Variants in KICS2 observed in about 807,000 individuals in gnomAD.
KICS2 encodes KICSTOR subunit 2, also known as KICSTOR complex protein C12orf66.
KICS2 carries 13 observed loss-of-function variants against 31.4 expected under a neutral mutation model. That is an observed-to-expected ratio of 0.41 (90% CI 0.27 to 0.66). KICS2 has a LOEUF of 0.66. Among genes scored for constraint, KICS2 ranks in the 30% least tolerant of loss-of-function variants. The pLI is 0.28. For missense variants in KICS2, 455 were observed against 545.4 expected (o/e 0.83, Z 1.65); for synonymous variants, 209 against 214.8 (o/e 0.97, Z 0.24).
chr12:64,207,831 A>T (rs935179909), intron 2 of KICS2, among the ~76,000 whole-genome samples: 9 of 152,224 alleles, frequency 5.9e-5, no homozygotes, highest in Non-Finnish European at 1.2e-4. Flanking sequence ...TTGTGGCAAT[A>T]GCAAACTGAT....
intron 2 of KICS2, among the ~76,000 whole-genome samples, chr12:64,213,684 T>C (rs1473450356): frequency 6.6e-5 from 10 of 152,224 alleles, no homozygotes; most frequent in Non-Finnish European, 1.5e-4. Flanking sequence ...GTTTTATTTC[T>C]GGCCTTTCGT....
rs1369375408 is a variant in KICS2, at chr12:64,192,078, G to C, written c.*1764C>G. The C allele has an allele frequency of 7.0e-6, 1 of 142,344 alleles. No individual in the cohort carries two copies. Among genetic ancestry groups the C allele is most frequent in the East Asian group, 2.0e-4 (1 of 4,920 alleles). 8.8% of individuals were successfully genotyped at this position (142,344 alleles called of 1,614,324 possible). A position where few individuals can be genotyped will look rare whatever the true frequency, so the allele number is the denominator to read the frequency against. ...AAAAAAAAAAAAAGGAAAAACACAT[G>C]TTCTTCCCAGAAAATAAAAAATAGG... On this transcript the variant is annotated 3_prime_UTR_variant, in exon 3 of 3. Transcript: ENST00000398055.
chr12:64,202,054 C>T (rs543482115), intron 2 of KICS2, among the ~76,000 whole-genome samples: 1 of 152,304 alleles, frequency 6.6e-6, no homozygotes, highest in South Asian at 2.1e-4. Context: ...AATTATACTA[C>T]AAGGAGTACA....
At position 64,215,718 on chromosome 12, in the gene KICS2, C is replaced by G. The variant is rs767074724; in HGVS notation, c.481G>C (p.Val161Leu). The change falls in exon 2 of 3, where the codon GTT becomes CTT. Residue 161 changes from valine (V) to leucine (L), a missense_variant. Val to Leu is a conservative substitution (Grantham distance 32, BLOSUM62 1). Transcript: ENST00000398055. The stretch of plus-strand genomic sequence containing the variant: ...TTCATGATGGCATCCAAAAGGCCAA[C>G]GAGCTCTTCAGCATTGATGAACTTC... Reference protein sequence around the residue: ...TQKFINAEELVGLLDAIMKKY... With the variant: ...TQKFINAEELLGLLDAIMKKY... 2 of 1,613,860 alleles carry G rather than the reference C, an allele frequency of 1.2e-6. No homozygotes were observed. The highest frequency in any genetic ancestry group is 1.1e-5 in the South Asian group (1 of 91,064).
chr12:64,194,557 T>G lies in KICS2; in HGVS notation c.623A>C (p.Lys208Thr). The G allele has an allele frequency of 6.2e-7, 1 of 1,614,128 alleles. No homozygotes were observed. Among genetic ancestry groups the G allele is most frequent in the Non-Finnish European group, 8.5e-7 (1 of 1,180,028 alleles). Residue 208 changes from lysine to threonine, a missense_variant, in exon 3 of 3, where the codon AAG (lysine) becomes ACG (threonine). Lys to Thr is a moderately conservative substitution (Grantham distance 78). Coordinates refer to ENST00000398055, the MANE Select transcript of KICS2 (RefSeq NM_152440.5). ...LKAQAQVSEW[K>T]FLPSLVNLHS... ...TAAATTAACCAGAGATGGGAGGAAC[T>G]TCCACTCTGAGACCTGGGCCTGGGC...
Position 64,194,089 on chromosome 12 carries a change from A to ACATTGGGC in KICS2, c.1083_1090dup (p.Val364GlyfsTer6), listed in dbSNP as rs758314142. ...TGTGCGGTCCGTCATGATCATGATGACATTGGGCCAGTGCATGACTGGCCT... is the reference window on the plus strand; with the variant it reads ...TGTGCGGTCCGTCATGATCATGATGACATTGGGCCATTGGGCCAGTGCATGACTGGCCT... On this transcript the variant is annotated frameshift_variant, in exon 3 of 3. Transcript: ENST00000398055. LOFTEE classifies it high-confidence loss of function. The ACATTGGGC allele has an allele frequency of 2.5e-6, 4 of 1,614,142 alleles. No homozygotes were observed. The South Asian group carries it at 4.4e-5, about 18-fold the overall frequency.
chr12:64,189,574 G>A (rs2037363703), downstream of KICS2, among the ~76,000 whole-genome samples: 1 of 152,124 alleles, frequency 6.6e-6, no homozygotes, highest in Non-Finnish European at 1.5e-5. Flanking sequence ...GGCAGAGATT[G>A]TTGTTCTTTT....
At chr12:64,220,344 G>C (rs540769670) in intron 1 of KICS2, among the ~76,000 whole-genome samples, 3 of 152,154 alleles carry the variant, frequency 2.0e-5, no homozygotes, top group Admixed American at 2.0e-4. Flanking sequence ...ACACAGGGCA[G>C]CCAGTTCTGT....
chr12:64,215,589 A>C, intron 2 of KICS2, 89 bp downstream of exon 2: 1 of 1,146,922 alleles, frequency 8.7e-7, no homozygotes, highest in Non-Finnish European at 1.2e-6. Flanking sequence ...TTCATCACAG[A>C]TTTTCATAAG....
In KICS2 at chr12:64,193,131, G is replaced by C; in HGVS notation, c.*711C>G. On this transcript the variant is annotated 3_prime_UTR_variant, in exon 3 of 3. Coordinates refer to ENST00000398055, the MANE Select transcript of KICS2 (RefSeq NM_152440.5). The stretch of plus-strand genomic sequence containing the variant: ...GATGGCTTATGCTGACTTTACAACA[G>C]AGTGAAACATTCAAACATTAAAGAA... 1 of 985,416 alleles carries C rather than the reference G, an allele frequency of 1.0e-6. No individual in the cohort carries two copies. Among genetic ancestry groups the C allele is most frequent in the Non-Finnish European group, 1.2e-6 (1 of 829,934 alleles). The allele number at this position is 985,416 out of a possible 1,614,324, so 61.0% of individuals were successfully genotyped here.
chr12:64,205,870 C>T (rs948737091), intron 2 of KICS2, among the ~76,000 whole-genome samples: 4 of 150,928 alleles, frequency 2.7e-5, no homozygotes, highest in Non-Finnish European at 5.9e-5. Flanking sequence ...CAACACAAAA[C>T]TCCACTTTAG....
Position 64,222,003 on chromosome 12 carries a change from C to T in KICS2, c.235G>A (p.Gly79Arg), listed in dbSNP as rs1393307201. The T allele has an allele frequency of 6.2e-7, 1 of 1,613,016 alleles. No homozygotes were observed. Among genetic ancestry groups the T allele is most frequent in the South Asian group, 1.1e-5 (1 of 90,920 alleles). Residue 79 changes from glycine (G) to arginine (R), a missense_variant and splice_region_variant, in exon 1 of 3, where the codon GGG becomes AGG. Physicochemically the swap from Gly to Arg is moderately radical, Grantham distance 125. Transcript: ENST00000398055. ...GGCTCGGGGGGCGGGGCGGAGGTAC[C>T]TAGTTTCTGCCCCAGGTAGGTGAGG... Reference protein sequence around the residue: ...HSLTYLGQKLGGQSFFSRKDS... With the variant: ...HSLTYLGQKLRGQSFFSRKDS...
At chr12:64,201,539 G>T (rs1271599511) in intron 2 of KICS2, among the ~76,000 whole-genome samples, 1 of 132,630 alleles carries the variant, frequency 7.5e-6, no homozygotes, top group African/African-American at 2.9e-5. Flanking sequence ...GCACCAGCAT[G>T]GCACATGTAT....
intron 2 of KICS2, among the ~76,000 whole-genome samples, chr12:64,202,996 C>T (rs1365048079): frequency 2.6e-5 from 4 of 152,112 alleles, no homozygotes; most frequent in Non-Finnish European, 5.9e-5. Context: ...CAGATGAGGT[C>T]ACTTTCCCCA....
chr12:64,190,031 T>C (rs957064818), downstream of KICS2, among the ~76,000 whole-genome samples: 1 of 152,046 alleles, frequency 6.6e-6, no homozygotes, highest in Non-Finnish European at 1.5e-5. Context: ...CCATAAAAAT[T>C]TGGGAACAAA....
intron 2 of KICS2, among the ~76,000 whole-genome samples, chr12:64,195,898 TA>T (rs1308621750): frequency 3.9e-5 from 6 of 152,068 alleles, no homozygotes; most frequent in Non-Finnish European, 8.8e-5. Flanking sequence ...CTGACTGACT[TA>T]AAAAACGGCG....
intron 2 of KICS2, among the ~76,000 whole-genome samples, chr12:64,199,708 T>C (rs1357567101): frequency 1.8e-4 from 25 of 135,956 alleles, no homozygotes; most frequent in Non-Finnish European, 2.7e-4. Context: ...AAAACCCCAT[T>C]GTCTCAGCCC....
At chr12:64,221,075 G>A (rs1485595909) in intron 1 of KICS2, among the ~76,000 whole-genome samples, 2 of 143,644 alleles carry the variant, frequency 1.4e-5, no homozygotes, top group African/African-American at 5.2e-5. Context: ...TCACCTTCAG[G>A]CAATATAAGG....
At chr12:64,216,912 G>A (rs1011137046) in intron 1 of KICS2, among the ~76,000 whole-genome samples, 2 of 149,630 alleles carry the variant, frequency 1.3e-5, no homozygotes, top group Non-Finnish European at 3.0e-5. Context: ...AAGAAACAGG[G>A]CAGGTTTAAA....
Sources: allele counts gnomAD v4.1 joint callset (sites outside exome capture counted in the v4.1 genomes callset), GRCh38; gene constraint gnomAD v4.1.1; transcripts MANE v1.5; gene names NCBI Gene and HGNC (gene_info 2026-07-23, HGNC 2026-07-21).